The following EPG5 variants were observed in gnomAD, a reference collection of about 807,000 sequenced individuals.
EPG5 encodes the protein ectopic P granules protein 5 homolog.
Under a neutral mutation model 302.7 loss-of-function variants are expected in EPG5, and 159 were observed. That is an observed-to-expected ratio of 0.53 (90% CI 0.46 to 0.60). EPG5 has a LOEUF of 0.60. Ranked by LOEUF, EPG5 falls within the 20% of genes least tolerant of loss-of-function variation. The pLI is 0.00. For synonymous variants in EPG5, 1,158 were observed against 1,136.8 expected (o/e 1.02, Z -0.37); for missense variants, 2,896 against 3,092.4 (o/e 0.94, Z 1.51).
chr18:45,813,060 A>G, the EPG5 span, among the ~76,000 whole-genome samples: 2 of 152,244 alleles, frequency 1.3e-5, no homozygotes, highest in Non-Finnish European at 2.9e-5. Flanking sequence ...AATGAACTCA[A>G]ACAAATTTAC....
intron 27 of EPG5, 29 bp from the exon 28 acceptor site, chr18:45,889,969 AT>A (rs768437232): frequency 9.1e-6 from 14 of 1,533,010 alleles, no homozygotes; most frequent in Non-Finnish European, 1.2e-5. Context: ...ATCAAAAGAC[AT>A]TTCCCCCCAT....
chr18:45,882,265 G>A lies in EPG5; in HGVS notation c.5518+9C>T, dbSNP rs747598069. On this transcript the variant is annotated intron_variant, in intron 31 of 43. Transcript: ENST00000282041. ...ATCTAGTTAGTTACAATTAAATGAA[G>A]ACACTTACTTTGCATAAGCAGCCTG... 1.9e-6 allele frequency: 3 copies of A among 1,601,360 alleles called. No individual in the cohort carries two copies. Among genetic ancestry groups the A allele is most frequent in the Non-Finnish European group, 2.6e-6 (3 of 1,168,848 alleles).
chr18:45,832,371 C>A, the EPG5 span, among the ~76,000 whole-genome samples: 1 of 135,452 alleles, frequency 7.4e-6, no homozygotes, highest in African/African-American at 2.8e-5. Flanking sequence ...CAAAGATCAC[C>A]CAGTAAGTGA....
rs1043922294 is a variant in EPG5 at position 45,903,909 on chromosome 18, C to T, written c.4474+64G>A. The T allele has an allele frequency of 3.5e-5, 52 of 1,498,032 alleles. No homozygotes were observed. The African/African-American group carries it at 5.6e-4, about 16-fold the overall frequency. 92.8% of individuals were successfully genotyped at this position (1,498,032 alleles called of 1,614,324 possible). On this transcript the variant is annotated intron_variant, in intron 25 of 43. Transcript: ENST00000282041. ...GGAATAAAGTATGTCAGCCTCAACC[C>T]TCAATGGCTCTGATTCAATCATTCA...
At chr18:45,832,753 A>G in the EPG5 span, among the ~76,000 whole-genome samples, 2 of 152,226 alleles carry the variant, frequency 1.3e-5, no homozygotes, top group Non-Finnish European at 2.9e-5. Context: ...CTTAGCAGAC[A>G]GGCATAAGCT....
chr18:45,876,332 G>A lies in EPG5; in HGVS notation c.5953C>T (p.Arg1985Trp), dbSNP rs146306069. The A allele has an allele frequency of 2.8e-5, 45 of 1,613,398 alleles. No individual in the cohort carries two copies. In the East Asian group the frequency reaches 4.5e-4, roughly 16 times the overall value. The change falls in exon 35 of 44, where the codon CGG becomes TGG. Residue 1985 changes from arginine (R) to tryptophan (W), a missense_variant. Arg to Trp is a moderately radical substitution (Grantham distance 101, BLOSUM62 -3). Coordinates refer to ENST00000282041, the MANE Select transcript of EPG5 (RefSeq NM_020964.3). ...TCACTCTCTAGCCAGGGGTAATGCC[G>A]CTGTTGGCTGCTTTAAAGAAAAGAA... is the stretch of plus-strand genomic sequence containing the variant. ...VLEDNESSQQRHYPWLESDTV... is the reference protein window; with the variant it reads ...VLEDNESSQQWHYPWLESDTV...
intron 10 of EPG5, among the ~76,000 whole-genome samples, chr18:45,936,977 C>T (rs996004159): frequency 2.6e-5 from 4 of 151,948 alleles, no homozygotes; most frequent in African/African-American, 9.7e-5. Context: ...CCCACACTTA[C>T]CTGGACTCTG....
chr18:45,825,891 G>T, the EPG5 span: 3 of 1,298,536 alleles, frequency 2.3e-6, no homozygotes, highest in Non-Finnish European at 3.3e-6. Flanking sequence ...GAGCCTCCAG[G>T]CCTGTGGAGG....
Position 45,965,120 on chromosome 18 carries a change from T to C in EPG5, c.63+2057A>G, listed in dbSNP as rs1479619354. 4.6e-5 allele frequency among the ~76,000 whole-genome samples: 7 copies of C among 152,042 alleles called. No individual in the cohort carries two copies. In the South Asian group the frequency reaches 1.0e-3, roughly 22 times the overall value. ...CTCAGCATGGAATACTATGCAGCCATAAAAAAGAACAAAATCGTGTCCCCT... is the reference window on the plus strand; with the variant it reads ...CTCAGCATGGAATACTATGCAGCCACAAAAAAGAACAAAATCGTGTCCCCT... On this transcript the variant is annotated intron_variant, in intron 1 of 43. Coordinates refer to ENST00000282041, the MANE Select transcript of EPG5 (RefSeq NM_020964.3).
chr18:45,928,588 A>C (rs552569299), intron 13 of EPG5, among the ~76,000 whole-genome samples: 3 of 152,378 alleles, frequency 2.0e-5, no homozygotes, highest in Non-Finnish European at 1.5e-5. Flanking sequence ...AAAAATTGTT[A>C]ATTAACTATA....
chr18:45,900,191 A>G (rs2049577351), intron 26 of EPG5, among the ~76,000 whole-genome samples: 1 of 152,170 alleles, frequency 6.6e-6, no homozygotes, highest in African/African-American at 2.4e-5. Context: ...TCACGAGGTC[A>G]GGAGATCGAA....
At chr18:45,811,258 A>G in the EPG5 span, among the ~76,000 whole-genome samples, 2 of 152,190 alleles carry the variant, frequency 1.3e-5, no homozygotes, top group East Asian at 1.9e-4. Context: ...GTTTACCTAG[A>G]AAACCCTAAC....
At chr18:45,804,197 A>C in the EPG5 span, among the ~76,000 whole-genome samples, 1 of 152,198 alleles carries the variant, frequency 6.6e-6, no homozygotes, top group Non-Finnish European at 1.5e-5. Flanking sequence ...ATAATTTTTT[A>C]AAACAGATGA....
chr18:45,821,120 T>C, the EPG5 span, among the ~76,000 whole-genome samples: 4 of 152,226 alleles, frequency 2.6e-5, no homozygotes, highest in Non-Finnish European at 5.9e-5. Context: ...TGAAAATACA[T>C]TGCAAAGTAA....
the EPG5 span, among the ~76,000 whole-genome samples, chr18:45,807,939 C>T: frequency 6.6e-6 from 1 of 151,820 alleles, no homozygotes; most frequent in African/African-American, 2.4e-5. Flanking sequence ...TAAGGAGGCA[C>T]TAGAGAAAGG....
intron 30 of EPG5, 53 bp from the exon 31 acceptor site, chr18:45,882,540 TAA>T (rs2049120450): frequency 6.8e-7 from 1 of 1,475,396 alleles, no homozygotes; most frequent in East Asian, 2.3e-5. Flanking sequence ...AAAAATAGTT[TAA>T]GAGGAGAGAG....
rs180942334 is a variant in EPG5, at chr18:45,870,110, C to T, written c.6225+457G>A. Among the ~76,000 whole-genome samples the T allele has an allele frequency of 3.1e-4, 47 of 152,220 alleles. 1 individual carries two copies. The East Asian group carries it at 9.1e-3, about 29-fold the overall frequency. Reference sequence around the variant, plus strand: ...GATTATGATGCATCATCGGTTGTCACAATGCATTTTATCTCCTATAATCAA... The same window carrying T: ...GATTATGATGCATCATCGGTTGTCATAATGCATTTTATCTCCTATAATCAA... On this transcript the variant is annotated intron_variant, in intron 36 of 43. Transcript: ENST00000282041.
In EPG5 at chr18:45,878,435, T is replaced by C. The variant is rs753759274; in HGVS notation, c.5883A>G (p.Leu1961=). Residue 1961 remains leucine (L), a synonymous_variant, in exon 34 of 44, where the codon CTA becomes CTG. Coordinates refer to ENST00000282041, the MANE Select transcript of EPG5 (RefSeq NM_020964.3). ...TAAAGAGCTGAATGATTACTGAATG[T>C]AGGGATTTCAGCACTAAAAAGTTTT... The part of the protein sequence containing the change: ...TASRKTVLKS[L]HSVIIQLFKP... 6.2e-7 allele frequency: 1 copy of C among 1,611,630 alleles called. No homozygotes were observed. The highest frequency in any genetic ancestry group is 1.1e-5 in the South Asian group (1 of 90,992).
chr18:45,902,534 C>T (rs1417004537), intron 25 of EPG5, among the ~76,000 whole-genome samples: 1 of 152,206 alleles, frequency 6.6e-6, no homozygotes, highest in Non-Finnish European at 1.5e-5. Context: ...AATCACCACT[C>T]TGGACCACAA....
Sources: gnomAD v4.1 joint callset for allele counts (sites outside exome capture counted in the v4.1 genomes callset) on GRCh38, gnomAD v4.1.1 for gene constraint, MANE v1.5 for transcripts, NCBI Gene and HGNC (gene_info 2026-07-23, HGNC 2026-07-21) for gene names.